The following REC114 variants were observed in gnomAD, a reference collection of about 807,000 sequenced individuals.
REC114 encodes the protein meiotic recombination protein REC114.
In REC114, 27 loss-of-function variants were observed where a neutral mutation model predicts 31.3. The ratio of observed to expected loss-of-function variants is 0.86; its 90% CI spans 0.64 to 1.19. The LOEUF (loss-of-function observed/expected upper bound fraction) is 1.19, where lower values mean the gene tolerates loss of function less well. Ranked by LOEUF, REC114 falls within the 50% of genes most tolerant of loss-of-function variation. The probability of loss-of-function intolerance (pLI) is 0.00; values close to 1 mark genes in which losing one functional copy is unlikely to be tolerated. For missense variants in REC114, 344 were observed against 326.9 expected (o/e 1.05, Z -0.40); for synonymous variants, 134 against 127.7 (o/e 1.05, Z -0.33).
intron 1 of REC114, among the ~76,000 whole-genome samples, chr15:73,447,190 T>C (rs943774047): frequency 1.3e-5 from 2 of 152,096 alleles, no homozygotes; most frequent in African/African-American, 4.8e-5. Context: ...TTGGATGTAT[T>C]GAATTTCATA....
chr15:73,460,320 T>C (rs1279489763), intron 1 of REC114, among the ~76,000 whole-genome samples: 1 of 152,180 alleles, frequency 6.6e-6, no homozygotes, highest in Non-Finnish European at 1.5e-5. Context: ...CCAAGAGTAT[T>C]AAAATTCATT....
In REC114 at chr15:73,443,262, ACGC is replaced by A; in HGVS notation, c.79_81del (p.Ala27del). 1 of 1,574,624 alleles carries A rather than the reference ACGC, an allele frequency of 6.4e-7. No homozygotes were observed. Among genetic ancestry groups the A allele is most frequent in the South Asian group, 1.2e-5 (1 of 85,574 alleles). Reference sequence around the variant, plus strand: ...GCGGCAGAGTGGCCTCTGCAGCGGTACGCCCGCTGCATACCCTCAAACACCAGA... The same window carrying A: ...GCGGCAGAGTGGCCTCTGCAGCGGTACCGCTGCATACCCTCAAACACCAGA... On this transcript the variant is annotated inframe_deletion, in exon 1 of 6. Coordinates refer to ENST00000331090, the MANE Select transcript of REC114 (RefSeq NM_001042367.2).
intron 2 of REC114, among the ~76,000 whole-genome samples, chr15:73,478,195 C>G (rs1893240720): frequency 7.4e-6 from 1 of 134,922 alleles, no homozygotes; most frequent in South Asian, 2.3e-4. Context: ...ACCCAGGAGA[C>G]AGAGGTTGCA....
rs770806394 is a variant in REC114, at chr15:73,551,131, G to GTGTCC, written c.528_532dup (p.Pro178LeufsTer19). On this transcript the variant is annotated frameshift_variant, in exon 4 of 6. Coordinates refer to ENST00000331090, the MANE Select transcript of REC114 (RefSeq NM_001042367.2). LOFTEE classifies it high-confidence loss of function. Reference sequence around the variant, plus strand: ...AGTCAAGGGAAGGATTCTGCAAAGAGTGTCCCACGGCAGCCTGGAGTAAGT... The same window carrying GTGTCC: ...AGTCAAGGGAAGGATTCTGCAAAGAGTGTCCTGTCCCACGGCAGCCTGGAGTAAGT... 6.2e-7 allele frequency: 1 copy of GTGTCC among 1,608,970 alleles called. No homozygotes were observed. The highest frequency in any genetic ancestry group is 8.5e-7 in the Non-Finnish European group (1 of 1,177,572).
chr15:73,472,020 T>C (rs1893139788), intron 1 of REC114, among the ~76,000 whole-genome samples: 1 of 152,222 alleles, frequency 6.6e-6, no homozygotes, highest in African/African-American at 2.4e-5. Flanking sequence ...GGAAATCTGG[T>C]AATGTTCTAT....
intron 2 of REC114, among the ~76,000 whole-genome samples, chr15:73,480,961 C>T (rs1008761838): frequency 3.9e-5 from 6 of 152,098 alleles, no homozygotes; most frequent in African/African-American, 4.8e-5. Flanking sequence ...TACAGGCCAC[C>T]GCACCTGGCC....
chr15:73,498,907 T>C (rs903093125), intron 2 of REC114, among the ~76,000 whole-genome samples: 4 of 152,174 alleles, frequency 2.6e-5, no homozygotes, highest in Non-Finnish European at 5.9e-5. Context: ...GGATGTTTTG[T>C]AAAATCCTCT....
chr15:73,522,791 C>T (rs1158845436), intron 2 of REC114, among the ~76,000 whole-genome samples: 1 of 152,124 alleles, frequency 6.6e-6, no homozygotes, highest in East Asian at 1.9e-4. Context: ...TAAGTAAGTA[C>T]ATAAGAGTTA....
intron 2 of REC114, among the ~76,000 whole-genome samples, chr15:73,529,087 G>A (rs1028464111): frequency 6.6e-6 from 1 of 151,688 alleles, no homozygotes; most frequent in African/African-American, 2.4e-5. Context: ...ATGATTTTGT[G>A]ATTATATTTT....
chr15:73,455,714 A>G, intron 1 of REC114, among the ~76,000 whole-genome samples: 1 of 152,220 alleles, frequency 6.6e-6, no homozygotes, highest in East Asian at 1.9e-4. Flanking sequence ...CTAGAGATAA[A>G]CACAATTCGG....
At chr15:73,528,809 T>C (rs1894038887) in intron 2 of REC114, among the ~76,000 whole-genome samples, 1 of 152,188 alleles carries the variant, frequency 6.6e-6, no homozygotes, top group Non-Finnish European at 1.5e-5. Flanking sequence ...AAATATTTAC[T>C]CACTGGCCCT....
At chr15:73,521,404 T>C (rs80100436) in intron 2 of REC114, among the ~76,000 whole-genome samples, 7,854 of 152,120 alleles carry the variant, frequency 0.052, 217 homozygotes, top group South Asian at 0.092. Flanking sequence ...AGAAAAGATG[T>C]AAGAGTGAAA....
Position 73,540,546 on chromosome 15 carries a change from T to G in REC114, c.311T>G (p.Leu104Arg). The change falls in exon 3 of 6, where the codon CTG becomes CGG. Residue 104 changes from leucine to arginine, a missense_variant. By Grantham distance (102) the Leu-to-Arg change is moderately radical (BLOSUM62 -2). Transcript: ENST00000331090. ...AAGATTGTAAGACGCGTGGATTGTC[T>G]GTTGTTTGGAACAACGATAAAGGCA... ...WLKIVRRVDCLLFGTTIKDKS... is the reference protein window; with the variant it reads ...WLKIVRRVDCRLFGTTIKDKS... 2.5e-6 allele frequency: 4 copies of G among 1,613,832 alleles called. No individual in the cohort carries two copies. The highest frequency in any genetic ancestry group is 3.4e-6 in the Non-Finnish European group (4 of 1,179,694).
intron 2 of REC114, among the ~76,000 whole-genome samples, chr15:73,535,074 TACTG>T (rs1165439124): frequency 1.4e-5 from 2 of 139,840 alleles, no homozygotes; most frequent in Non-Finnish European, 3.0e-5. Flanking sequence ...GCCAATATCA[TACTG>T]AATGGGCAAA....
chr15:73,445,911 A>T (rs1892758339), intron 1 of REC114, among the ~76,000 whole-genome samples: 1 of 152,240 alleles, frequency 6.6e-6, no homozygotes, highest in Non-Finnish European at 1.5e-5. Context: ...ATACAGAGAC[A>T]TGAAGTGAAC....
chr15:73,460,747 A>G (rs1286617406), intron 1 of REC114, among the ~76,000 whole-genome samples: 1 of 152,152 alleles, frequency 6.6e-6, no homozygotes, highest in Non-Finnish European at 1.5e-5. Context: ...TGTGGGAGAA[A>G]TGTTGTGGGA....
intron 2 of REC114, among the ~76,000 whole-genome samples, chr15:73,498,942 T>A (rs7165447): frequency 0.16 from 24,913 of 152,054 alleles, 3,191 homozygotes; most frequent in African/African-American, 0.36. Context: ...AACAAATGCT[T>A]TGAATGAACT....
chr15:73,551,128 A>ATCCTG lies in REC114; in HGVS notation c.524_525insTCCTG (p.Lys175AsnfsTer22), dbSNP rs772981589. The stretch of plus-strand genomic sequence containing the variant: ...GAAAGTCAAGGGAAGGATTCTGCAA[A>ATCCTG]GAGTGTCCCACGGCAGCCTGGAGTA... On this transcript the variant is annotated frameshift_variant, in exon 4 of 6. Transcript: ENST00000331090. LOFTEE classifies it high-confidence loss of function. The ATCCTG allele has an allele frequency of 9.3e-6, 15 of 1,609,960 alleles. No individual in the cohort carries two copies. Among genetic ancestry groups the ATCCTG allele is most frequent in the Middle Eastern group, 3.4e-4 (2 of 5,900 alleles).
At chr15:73,451,947 A>C (rs1472545893) in intron 1 of REC114, among the ~76,000 whole-genome samples, 3 of 152,240 alleles carry the variant, frequency 2.0e-5, no homozygotes. Context: ...TTCATGCTAA[A>C]AACTCTTAAT....
Sources: allele counts gnomAD v4.1 joint callset (sites outside exome capture counted in the v4.1 genomes callset), GRCh38; gene constraint gnomAD v4.1.1; transcripts MANE v1.5; gene names NCBI Gene and HGNC (gene_info 2026-07-23, HGNC 2026-07-21).